The following POLR1D variants were observed in gnomAD, a reference collection of about 807,000 sequenced individuals.
POLR1D encodes DNA-directed RNA polymerases I and III subunit RPAC2.
A neutral mutation model predicts 10.8 loss-of-function variants in POLR1D; 8 were observed. That is an observed-to-expected ratio of 0.74 (90% CI 0.43 to 1.33). The LOEUF (loss-of-function observed/expected upper bound fraction) is 1.33. Among genes scored for constraint, POLR1D ranks in the 40% most tolerant of loss-of-function variants. The probability of loss-of-function intolerance (pLI) is 0.01; values close to 1 mark genes in which losing one functional copy is unlikely to be tolerated. For missense variants in POLR1D, 152 were observed against 161.7 expected (o/e 0.94, Z 0.32); for synonymous variants, 54 against 57.2 (o/e 0.94, Z 0.25).
intron 1 of POLR1D, among the ~76,000 whole-genome samples, chr13:27,633,812 G>A (rs1956096835): frequency 6.6e-6 from 1 of 152,176 alleles, no homozygotes; most frequent in Non-Finnish European, 1.5e-5. Context: ...TTGCTGCTTT[G>A]TTCTGCATAC....
intron 1 of POLR1D, among the ~76,000 whole-genome samples, chr13:27,634,807 C>T (rs1013346645): frequency 1.3e-5 from 2 of 151,848 alleles, no homozygotes; most frequent in Admixed American, 1.3e-4. Flanking sequence ...TCCCAAGTAG[C>T]TGGGACCATA....
chr13:27,637,272 C>T (rs1956133372), intron 1 of POLR1D, among the ~76,000 whole-genome samples: 1 of 152,166 alleles, frequency 6.6e-6, no homozygotes, highest in Non-Finnish European at 1.5e-5. Flanking sequence ...GATTAGTCTC[C>T]ATGAGCTGCT....
intron 1 of POLR1D, among the ~76,000 whole-genome samples, chr13:27,640,159 G>A (rs1357325609): frequency 6.6e-6 from 1 of 152,102 alleles, no homozygotes; most frequent in African/African-American, 2.4e-5. Context: ...TGTCCCAGTG[G>A]TGCATATTAA....
At chr13:27,631,110 C>G (rs1300278659) in intron 1 of POLR1D, among the ~76,000 whole-genome samples, 2 of 152,218 alleles carry the variant, frequency 1.3e-5, no homozygotes, top group African/African-American at 4.8e-5. Flanking sequence ...TATCCCAAAA[C>G]TTAGTGGCTG....
At chr13:27,634,057 A>G (rs1956098963) in intron 1 of POLR1D, among the ~76,000 whole-genome samples, 1 of 152,258 alleles carries the variant, frequency 6.6e-6, no homozygotes, top group East Asian at 1.9e-4. Context: ...TTGATTCTAC[A>G]GTTTTATTTC....
chr13:27,656,518 TGGG>T (rs1171454872), intron 2 of POLR1D, among the ~76,000 whole-genome samples: 1 of 152,172 alleles, frequency 6.6e-6, no homozygotes, highest in Admixed American at 6.5e-5. Context: ...TATAATCTAA[TGGG>T]GGTGGGAGTG....
At chr13:27,653,439 G>A (rs1245205765) in intron 2 of POLR1D, among the ~76,000 whole-genome samples, 3 of 152,168 alleles carry the variant, frequency 2.0e-5, no homozygotes, top group Non-Finnish European at 2.9e-5. Flanking sequence ...GGCAGGCAAA[G>A]TAAGATACTC....
chr13:27,662,560 G>A (rs1407207528), intron 2 of POLR1D, among the ~76,000 whole-genome samples: 2 of 152,208 alleles, frequency 1.3e-5, no homozygotes, highest in African/African-American at 4.8e-5. Context: ...TTAGGGATAA[G>A]AAATTGTGGA....
chr13:27,640,045 TCTC>T (rs1159797160), intron 1 of POLR1D, among the ~76,000 whole-genome samples: 5 of 152,154 alleles, frequency 3.3e-5, no homozygotes, highest in Non-Finnish European at 5.9e-5. Context: ...TTCCTTATAT[TCTC>T]CTTATTTCCT....
intron 1 of POLR1D, chr13:27,648,256 AT>A: frequency 1.5e-6 from 1 of 652,200 alleles, no homozygotes; most frequent in Non-Finnish European, 2.8e-6. Flanking sequence ...TTAAAAAAAA[AT>A]TTGCCCCAGC....
chr13:27,652,318 T>C (rs575702012), intron 2 of POLR1D, among the ~76,000 whole-genome samples: 1 of 152,292 alleles, frequency 6.6e-6, no homozygotes, highest in South Asian at 2.1e-4. Flanking sequence ...AGTGTATCAG[T>C]GCTAGTTCTG....
downstream of POLR1D, among the ~76,000 whole-genome samples, chr13:27,624,307 A>G (rs1286536492): frequency 1.3e-5 from 2 of 152,190 alleles, no homozygotes; most frequent in African/African-American, 4.8e-5. Flanking sequence ...CCACTAAACC[A>G]ACTTGGAGGT....
At chr13:27,632,775 T>C (rs528147067) in intron 1 of POLR1D, among the ~76,000 whole-genome samples, 81 of 152,226 alleles carry the variant, frequency 5.3e-4, no homozygotes, top group African/African-American at 1.9e-3. Context: ...ACACACACAC[T>C]GTAACATAAG....
At chr13:27,626,896 C>G (rs540911676), downstream of POLR1D, among the ~76,000 whole-genome samples, 9 of 152,274 alleles carry the variant, frequency 5.9e-5, no homozygotes, top group African/African-American at 1.9e-4. Flanking sequence ...CACAGAATCT[C>G]GAGAGATGGA....
downstream of POLR1D, among the ~76,000 whole-genome samples, chr13:27,624,359 C>T (rs962446429): frequency 2.6e-5 from 4 of 152,178 alleles, no homozygotes; most frequent in Admixed American, 6.5e-5. Context: ...AGGTAGTGGA[C>T]ACTTAGTAAA....
intron 1 of POLR1D, among the ~76,000 whole-genome samples, chr13:27,639,676 TA>T (rs1248549951): frequency 6.6e-6 from 1 of 152,218 alleles, no homozygotes; most frequent in African/African-American, 2.4e-5. Flanking sequence ...CCCTGGGAGC[TA>T]AACGTTAAGA....
exon 3 of POLR1D, chr13:27,665,873 G>A: frequency 1.2e-6 from 2 of 1,614,116 alleles, no homozygotes; most frequent in Non-Finnish European, 1.7e-6. Context: ...CAGCTTCCGC[G>A]CTCGAGGTTC....
intron 1 of POLR1D, among the ~76,000 whole-genome samples, chr13:27,633,307 A>T (rs1363469394): frequency 3.9e-5 from 6 of 152,228 alleles, no homozygotes; most frequent in Non-Finnish European, 8.8e-5. Flanking sequence ...TCTCACATTA[A>T]TGAGAACTGA....
chr13:27,647,771 A>G (rs1355631814), intron 1 of POLR1D, among the ~76,000 whole-genome samples: 1 of 152,198 alleles, frequency 6.6e-6, no homozygotes, highest in Non-Finnish European at 1.5e-5. Context: ...GTTAACAAGT[A>G]GTTTGAATAT....
Sources: gnomAD v4.1 joint callset for allele counts (sites outside exome capture counted in the v4.1 genomes callset) on GRCh38, gnomAD v4.1.1 for gene constraint, MANE v1.5 for transcripts, NCBI Gene and HGNC (gene_info 2026-07-23, HGNC 2026-07-21) for gene names.